The following SP140L variants were observed in gnomAD, a reference collection of about 807,000 sequenced individuals.
SP140L encodes nuclear body protein SP140-like protein.
In SP140L, 64 loss-of-function variants were observed where a neutral mutation model predicts 84.3. The ratio of observed to expected loss-of-function variants is 0.76; its 90% CI spans 0.62 to 0.94. The LOEUF is 0.94. Among genes scored for constraint, SP140L ranks in the 40% least tolerant of loss-of-function variants. The pLI is 0.00. For synonymous variants in SP140L, 242 were observed against 236.9 expected, an observed-to-expected ratio of 1.02 and a Z score of -0.20; for missense variants, 628 against 692.5, an observed-to-expected ratio of 0.91 and a Z score of 1.05.
chr2:230,400,948 C>T lies in SP140L; in HGVS notation c.1314-7C>T. 2.0e-6 allele frequency: 3 copies of T among 1,503,888 alleles called. No homozygotes were observed. Among genetic ancestry groups the T allele is most frequent in the Non-Finnish European group, 2.7e-6 (3 of 1,106,512 alleles). 93.2% of individuals were successfully genotyped at this position (1,503,888 alleles called of 1,614,324 possible). The stretch of plus-strand genomic sequence containing the variant: ...TGCCCTCTGCTCACCCATGTCCAAT[C>T]TCTCAGGACCCCGTGGAATTGCATC... On this transcript the variant is annotated splice_region_variant and splice_polypyrimidine_tract_variant and intron_variant, in intron 15 of 18. Coordinates refer to ENST00000415673, the MANE Select transcript of SP140L (RefSeq NM_138402.6).
intron 2 of SP140L, among the ~76,000 whole-genome samples, chr2:230,331,362 G>A (rs192053400): frequency 1.4e-4 from 22 of 152,284 alleles, no homozygotes; most frequent in African/African-American, 3.1e-4. Flanking sequence ...TCAGGCATCC[G>A]CTGGGGATCT....
chr2:230,382,394 A>G (rs1462382658), intron 7 of SP140L, among the ~76,000 whole-genome samples: 1 of 152,086 alleles, frequency 6.6e-6, no homozygotes, highest in Non-Finnish European at 1.5e-5. Flanking sequence ...TGCTTCCTCC[A>G]TACCTCCTAG....
intron 18 of SP140L, among the ~76,000 whole-genome samples, chr2:230,402,128 A>G (rs1231191923): frequency 6.6e-6 from 1 of 152,300 alleles, no homozygotes; most frequent in Admixed American, 6.5e-5. Flanking sequence ...TTAAAGTGGT[A>G]TTGTGCTTCT....
chr2:230,359,214 G>C lies in SP140L; in HGVS notation c.439+82G>C, dbSNP rs187850897. On this transcript the variant is annotated intron_variant, in intron 4 of 18. Coordinates refer to ENST00000415673, the MANE Select transcript of SP140L (RefSeq NM_138402.6). ...ATATGTTTGAGCTCCTACCATGTGC[G>C]ATACATTGTGTTGGGCAGTGGGCAT... The C allele has an allele frequency of 1.1e-4, 137 of 1,235,264 alleles. No individual in the cohort carries two copies. In the East Asian group the frequency reaches 3.1e-3, roughly 28 times the overall value. 76.5% of individuals were successfully genotyped at this position (1,235,264 alleles called of 1,614,324 possible).
chr2:230,357,843 T>A lies in SP140L; in HGVS notation c.146T>A (p.Val49Asp), dbSNP rs376782085. Reference sequence around the variant, plus strand: ...GACCAGGATGTAGATGAGGGACTTGTCTATGACACTGTATTCAAGCACTTC... The same window carrying A: ...GACCAGGATGTAGATGAGGGACTTGACTATGACACTGTATTCAAGCACTTC... Reference protein sequence around the residue: ...TEDQDVDEGLVYDTVFKHFKR... With the variant: ...TEDQDVDEGLDYDTVFKHFKR... The change falls in exon 3 of 19, where the codon GTC becomes GAC. Residue 49 changes from valine to aspartate, a missense_variant. By Grantham distance (152) the Val-to-Asp change is radical (BLOSUM62 -3). Transcript: ENST00000415673. 4 of 1,613,910 alleles carry A rather than the reference T, an allele frequency of 2.5e-6. No individual in the cohort carries two copies. The African/African-American group carries it at 5.3e-5, about 22-fold the overall frequency.
chr2:230,356,377 C>G (rs4972948), intron 2 of SP140L, among the ~76,000 whole-genome samples: 18,054 of 152,136 alleles, frequency 0.12, 1,119 homozygotes, highest in Middle Eastern at 0.15. Flanking sequence ...AGTACGCAGA[C>G]TGTGGTAGAT....
chr2:230,358,668 T>C (rs6756713), intron 3 of SP140L, among the ~76,000 whole-genome samples: 18,827 of 152,158 alleles, frequency 0.12, 1,209 homozygotes, highest in Middle Eastern at 0.15. Flanking sequence ...ATCCCAAAAA[T>C]GTATCAATCA....
In SP140L at chr2:230,359,038, G is replaced by A. The variant is rs2060634790; in HGVS notation, c.345G>A (p.Lys115=). The A allele has an allele frequency of 4.3e-6, 7 of 1,613,662 alleles. No individual in the cohort carries two copies. The highest frequency in any genetic ancestry group is 5.9e-6 in the Non-Finnish European group (7 of 1,179,786). The stretch of plus-strand genomic sequence containing the variant: ...ACAATGTTCTCAGTGAACTGGAGAA[G>A]ACATTTAACCTGTCAGTTTTGGAAG... ...VVYNVLSELE[K]TFNLSVLEAL... The change falls in exon 4 of 19, where the codon AAG becomes AAA. Residue 115 remains lysine (K), a synonymous_variant. Transcript: ENST00000415673.
chr2:230,390,082 G>T, intron 11 of SP140L, 59 bp downstream of exon 11: 6 of 1,473,382 alleles, frequency 4.1e-6, no homozygotes, highest in Non-Finnish European at 5.6e-6. Flanking sequence ...ACAAGAAGTG[G>T]TGAAATTATT....
intron 2 of SP140L, among the ~76,000 whole-genome samples, chr2:230,346,115 C>T (rs1035502399): frequency 6.6e-6 from 1 of 152,130 alleles, no homozygotes; most frequent in Non-Finnish European, 1.5e-5. Flanking sequence ...AAACCTTTAT[C>T]ACGCCTTCAT....
intron 2 of SP140L, among the ~76,000 whole-genome samples, chr2:230,332,055 G>A (rs191069008): frequency 6.6e-5 from 10 of 152,176 alleles, no homozygotes; most frequent in East Asian, 1.9e-4. Flanking sequence ...TCAGGGGAAC[G>A]CTTGTAATGT....
At chr2:230,379,051 A>C (rs1420436348) in intron 7 of SP140L, among the ~76,000 whole-genome samples, 1 of 152,154 alleles carries the variant, frequency 6.6e-6, no homozygotes, top group East Asian at 1.9e-4. Flanking sequence ...AATCTCTTTT[A>C]CCAAGTGCTA....
At chr2:230,356,213 G>A (rs1200126828) in intron 2 of SP140L, among the ~76,000 whole-genome samples, 2 of 152,132 alleles carry the variant, frequency 1.3e-5, no homozygotes, top group Non-Finnish European at 2.9e-5. Context: ...ATGGTTAAAT[G>A]TACTCTTACA....
intron 2 of SP140L, among the ~76,000 whole-genome samples, chr2:230,329,256 G>A (rs181689794): frequency 6.6e-6 from 1 of 152,308 alleles, no homozygotes; most frequent in East Asian, 1.9e-4. Context: ...TCCAGGAAAA[G>A]TTCCTTCTCT....
intron 2 of SP140L, among the ~76,000 whole-genome samples, chr2:230,353,489 A>T (rs1478530862): frequency 6.6e-6 from 1 of 152,124 alleles, no homozygotes; most frequent in African/African-American, 2.4e-5. Flanking sequence ...TGCAATGCCC[A>T]TAAAACATTT....
chr2:230,377,125 G>T (rs1272045110), intron 7 of SP140L, among the ~76,000 whole-genome samples: 2 of 152,116 alleles, frequency 1.3e-5, no homozygotes, highest in Non-Finnish European at 2.9e-5. Context: ...TCACCCCAAA[G>T]TCCACTTGTG....
intron 7 of SP140L, among the ~76,000 whole-genome samples, chr2:230,383,089 A>G (rs1481798091): frequency 1.3e-5 from 2 of 152,214 alleles, no homozygotes; most frequent in African/African-American, 4.8e-5. Flanking sequence ...AACTCTCCAT[A>G]TCAGAGTTCA....
intron 5 of SP140L, among the ~76,000 whole-genome samples, chr2:230,362,857 T>A: frequency 6.8e-6 from 1 of 146,964 alleles, no homozygotes; most frequent in Admixed American, 6.8e-5. Context: ...AAAACGCAAA[T>A]GAGGAAATTT....
chr2:230,366,026 T>C (rs2060859114), intron 5 of SP140L, among the ~76,000 whole-genome samples: 1 of 152,182 alleles, frequency 6.6e-6, no homozygotes, highest in African/African-American at 2.4e-5. Flanking sequence ...TTTAAGTTTG[T>C]AGCCTAATGT....
Sources: gnomAD v4.1 joint callset for allele counts (sites outside exome capture counted in the v4.1 genomes callset) on GRCh38, gnomAD v4.1.1 for gene constraint, MANE v1.5 for transcripts, NCBI Gene and HGNC (gene_info 2026-07-23, HGNC 2026-07-21) for gene names.